PPP1R12B: variants seen among roughly 807,000 people sequenced by gnomAD.
PPP1R12B encodes protein phosphatase 1 regulatory subunit 12B.
PPP1R12B carries 76 observed loss-of-function variants against 126.1 expected under a neutral mutation model. The ratio of observed to expected loss-of-function variants is 0.60; its 90% CI spans 0.50 to 0.73. The LOEUF (loss-of-function observed/expected upper bound fraction) is 0.73, where lower values mean the gene tolerates loss of function less well. Among genes scored for constraint, PPP1R12B ranks in the 30% least tolerant of loss-of-function variants. The pLI, the probability that PPP1R12B is intolerant of heterozygous loss-of-function variation, is 0.00. For missense variants in PPP1R12B, 1,052 were observed against 1,205.1 expected (o/e 0.87, Z 1.88); for synonymous variants, 356 against 434.7 (o/e 0.82, Z 2.25).
chr1:202,505,789 T>C (rs1680741844), intron 18 of PPP1R12B, among the ~76,000 whole-genome samples: 1 of 152,226 alleles, frequency 6.6e-6, no homozygotes, highest in South Asian at 2.1e-4. Flanking sequence ...AAGCCTCTGT[T>C]GCTTTTAACA....
intron 23 of PPP1R12B, among the ~76,000 whole-genome samples, chr1:202,572,831 T>TTGCCCATCCTGCGCTGGGCCCTGCCCC (rs1688734344): frequency 1.3e-5 from 2 of 152,222 alleles, no homozygotes; most frequent in Non-Finnish European, 2.9e-5. Flanking sequence ...AGCCCTGCCC[T>TTGCCCATCCTGCGCTGGGCCCTGCCCC]TGCCCATCCT....
In PPP1R12B at chr1:202,420,967, C is replaced by CT. The variant is rs56164548; in HGVS notation, c.423-1632dup. Among the ~76,000 whole-genome samples the CT allele has an allele frequency of 4.4e-4, 52 of 118,568 alleles. 2 individuals carry two copies. Among genetic ancestry groups the CT allele is most frequent in the African/African-American group, 1.6e-3 (47 of 29,508 alleles). 77.8% of individuals were successfully genotyped at this position (118,568 alleles called of 152,430 possible). A position where few individuals can be genotyped will look rare whatever the true frequency, so the allele number is the denominator to read the frequency against. ...CTATTGATTCTTTTCCCTCTGCCAA[C>CT]TTTTTTTTTTTTTTTTTTTTTGAGA... On this transcript the variant is annotated intron_variant, in intron 2 of 23. Coordinates refer to ENST00000608999, the MANE Select transcript of PPP1R12B (RefSeq NM_002481.4).
In PPP1R12B at chr1:202,587,569, C is replaced by T. The variant is rs1223611351; in HGVS notation, c.*7009C>T. On this transcript the variant is annotated 3_prime_UTR_variant, in exon 24 of 24. Coordinates refer to ENST00000608999, the MANE Select transcript of PPP1R12B (RefSeq NM_002481.4). ...AACCTAATCAATCAGTGTATCAGTG[C>T]ATCTGGTGGCAACAGCTCAGCCCAT... 1 of 152,232 alleles carries T rather than the reference C, an allele frequency of 6.6e-6. No individual in the cohort carries two copies. The highest frequency in any genetic ancestry group is 6.5e-5 in the Admixed American group (1 of 15,282). 9.4% of individuals were successfully genotyped at this position (152,232 alleles called of 1,614,324 possible).
intron 6 of PPP1R12B, among the ~76,000 whole-genome samples, chr1:202,430,000 T>G (rs544350487): frequency 1.3e-4 from 20 of 152,348 alleles, no homozygotes; most frequent in Non-Finnish European, 2.2e-4. Context: ...TCAGGATCAC[T>G]GAAACTAGGA....
chr1:202,377,363 CG>C, intron 1 of PPP1R12B, among the ~76,000 whole-genome samples: 1 of 149,740 alleles, frequency 6.7e-6, no homozygotes, highest in African/African-American at 2.5e-5. Flanking sequence ...AGTTCAGTGG[CG>C]TGATCTCGAC....
At chr1:202,445,251 G>A in intron 12 of PPP1R12B, 3 of 1,240,088 alleles carry the variant, frequency 2.4e-6, no homozygotes, top group Non-Finnish European at 1.0e-6. Context: ...GAAGCCATTT[G>A]AGTTGCATTC....
At chr1:202,574,579 A>C (rs1368568435) in intron 23 of PPP1R12B, among the ~76,000 whole-genome samples, 1 of 152,208 alleles carries the variant, frequency 6.6e-6, no homozygotes, top group African/African-American at 2.4e-5. Context: ...AAGGGGCAGC[A>C]GCTAGATTTA....
chr1:202,444,821 A>T (rs1672040594), intron 12 of PPP1R12B, among the ~76,000 whole-genome samples: 1 of 152,218 alleles, frequency 6.6e-6, no homozygotes, highest in Admixed American at 6.5e-5. Context: ...TTGACCAAAA[A>T]GACCATCCTT....
intron 18 of PPP1R12B, among the ~76,000 whole-genome samples, chr1:202,544,738 C>G (rs985443401): frequency 6.6e-6 from 1 of 152,102 alleles, no homozygotes; most frequent in Non-Finnish European, 1.5e-5. Context: ...CAAAAAAATA[C>G]AAAGATGTTA....
In PPP1R12B at chr1:202,397,831, G is replaced by A. The variant is rs1435277889; in HGVS notation, c.292-18956G>A. Among the ~76,000 whole-genome samples, 93 of 152,162 alleles carry A rather than the reference G, an allele frequency of 6.1e-4. 2 individuals are homozygous for A. Among genetic ancestry groups the A allele is most frequent in the Non-Finnish European group, 8.8e-5 (6 of 68,040 alleles). On this transcript the variant is annotated intron_variant, in intron 1 of 23. Transcript: ENST00000608999. ...ATACTATGCATGTAGCTATTTTCTG[G>A]CACTGAAGAAAATCATGATAGCAAT...
At chr1:202,529,729 G>A (rs1383489377) in intron 18 of PPP1R12B, among the ~76,000 whole-genome samples, 1 of 152,128 alleles carries the variant, frequency 6.6e-6, no homozygotes, top group Non-Finnish European at 1.5e-5. Context: ...GCAGTAATAC[G>A]TTTTGCCTGG....
At chr1:202,562,584 T>G (rs781398681) in intron 19 of PPP1R12B, 194 bp from the exon 20 acceptor site, 53 of 761,428 alleles carry the variant, frequency 7.0e-5, no homozygotes, top group South Asian at 3.1e-4. Context: ...AGCCTCCCTC[T>G]CCAAGCTCGT....
intron 18 of PPP1R12B, among the ~76,000 whole-genome samples, chr1:202,516,907 G>A (rs1682211378): frequency 6.6e-6 from 1 of 151,038 alleles, no homozygotes; most frequent in Admixed American, 6.6e-5. Context: ...CTAGTTATTG[G>A]ATTAGTTAGT....
intron 12 of PPP1R12B, among the ~76,000 whole-genome samples, chr1:202,446,290 G>A (rs1189594884): frequency 4.5e-5 from 5 of 111,008 alleles, no homozygotes; most frequent in African/African-American, 1.8e-4. Context: ...ATATCGCTCT[G>A]TCACCCAGGC....
rs1689492271 is a variant in PPP1R12B at position 202,580,569 on chromosome 1, C to G, written c.*9C>G. Reference sequence around the variant, plus strand: ...GCAAACTGTCCAAGTAGGCTAGGCTCCAGATTTATGAGGAAAGAAAGGGAC... The same window carrying G: ...GCAAACTGTCCAAGTAGGCTAGGCTGCAGATTTATGAGGAAAGAAAGGGAC... On this transcript the variant is annotated 3_prime_UTR_variant, in exon 24 of 24. Coordinates refer to ENST00000608999, the MANE Select transcript of PPP1R12B (RefSeq NM_002481.4). The G allele has an allele frequency of 1.2e-6, 2 of 1,605,872 alleles. No individual in the cohort carries two copies. Among genetic ancestry groups the G allele is most frequent in the Non-Finnish European group, 1.7e-6 (2 of 1,172,468 alleles).
intron 23 of PPP1R12B, among the ~76,000 whole-genome samples, chr1:202,573,976 A>G (rs927529403): frequency 2.6e-5 from 4 of 152,210 alleles, no homozygotes; most frequent in African/African-American, 9.6e-5. Flanking sequence ...AGTGATGCAT[A>G]TAATCTTATA....
At chr1:202,401,280 C>G (rs1665791012) in intron 1 of PPP1R12B, among the ~76,000 whole-genome samples, 1 of 150,804 alleles carries the variant, frequency 6.6e-6, no homozygotes, top group Non-Finnish European at 1.5e-5. Context: ...GTTTTGACCT[C>G]CTGGGTTTAA....
At chr1:202,546,878 TAACCAC>T (rs1685700214) in intron 18 of PPP1R12B, among the ~76,000 whole-genome samples, 1 of 151,742 alleles carries the variant, frequency 6.6e-6, no homozygotes, top group Non-Finnish European at 1.5e-5. Flanking sequence ...TCGAGAGGAG[TAACCAC>T]AAGCAGATAA....
At chr1:202,463,010 T>C in intron 13 of PPP1R12B, 1 of 985,366 alleles carries the variant, frequency 1.0e-6, no homozygotes, top group Non-Finnish European at 1.2e-6. Context: ...CTGCCATAGT[T>C]TGTTAGTACT....
Sources: gnomAD v4.1 joint callset for allele counts (sites outside exome capture counted in the v4.1 genomes callset) on GRCh38, gnomAD v4.1.1 for gene constraint, MANE v1.5 for transcripts, NCBI Gene and HGNC (gene_info 2026-07-23, HGNC 2026-07-21) for gene names.